ZRANB3: variants seen among roughly 807,000 people sequenced by gnomAD.
ZRANB3 encodes DNA annealing helicase and endonuclease ZRANB3.
In ZRANB3, 125 loss-of-function variants were observed where a neutral mutation model predicts 133.8. The ratio of observed to expected loss-of-function variants is 0.93; its 90% CI spans 0.81 to 1.08. ZRANB3 has a LOEUF of 1.08. Ranked by LOEUF, ZRANB3 falls within the 50% of genes least tolerant of loss-of-function variation. The pLI, the probability that ZRANB3 is intolerant of heterozygous loss-of-function variation, is 0.00. For missense variants in ZRANB3, 1,229 were observed against 1,275.5 expected (o/e 0.96, Z 0.56); for synonymous variants, 387 against 432.7 (o/e 0.89, Z 1.31).
chr2:135,345,555 G>A lies in ZRANB3; in HGVS notation c.672C>T (p.His224=), dbSNP rs1266635034. ...TDYAKRYCNA[H]IRYFGKRPQW... is the part of the protein sequence containing the mutation. Reference sequence around the variant, plus strand: ...CGGAAAATAGTTTAACTTACCTGATGTGTGCATTACAGTATCTTTTTGCAT... The same window carrying A: ...CGGAAAATAGTTTAACTTACCTGATATGTGCATTACAGTATCTTTTTGCAT... Residue 224 remains histidine (H), a synonymous_variant, in exon 6 of 21, where the codon CAC becomes CAT. Transcript: ENST00000264159. The A allele has an allele frequency of 6.8e-6, 11 of 1,607,854 alleles. No individual in the cohort carries two copies. The highest frequency in any genetic ancestry group is 8.5e-6 in the Non-Finnish European group (10 of 1,177,072).
At chr2:135,302,768 C>T (rs1050514721) in intron 8 of ZRANB3, among the ~76,000 whole-genome samples, 1 of 152,162 alleles carries the variant, frequency 6.6e-6, no homozygotes. Flanking sequence ...TCGTGATCTG[C>T]CCACCTTGGC....
intron 12 of ZRANB3, among the ~76,000 whole-genome samples, chr2:135,237,936 TAAAAACAAAAAACA>T (rs936069543): frequency 5.9e-5 from 9 of 152,086 alleles, no homozygotes; most frequent in Admixed American, 5.9e-4. Flanking sequence ...AAAGTATAAC[TAAAAACAAAAAACA>T]AAAAACAAAA....
chr2:135,348,289 GA>G (rs1685040918), intron 5 of ZRANB3, among the ~76,000 whole-genome samples: 1 of 150,098 alleles, frequency 6.7e-6, no homozygotes, highest in Admixed American at 6.6e-5. Flanking sequence ...AAGAAAGAAA[GA>G]AAAAATTAGA....
chr2:135,264,821 A>G (rs1020959486), intron 12 of ZRANB3, among the ~76,000 whole-genome samples: 6 of 150,786 alleles, frequency 4.0e-5, no homozygotes, highest in African/African-American at 1.5e-4. Flanking sequence ...ATCTCAGCTC[A>G]CGGGAACCTC....
chr2:135,390,623 C>T (rs918047673), intron 3 of ZRANB3, among the ~76,000 whole-genome samples, 179 bp downstream of exon 3: 7 of 151,978 alleles, frequency 4.6e-5, no homozygotes, highest in Admixed American at 2.0e-4. Context: ...CACACACACA[C>T]ACATTCATTC....
At chr2:135,413,102 T>C (rs1558982265) in intron 2 of ZRANB3, among the ~76,000 whole-genome samples, 2 of 152,192 alleles carry the variant, frequency 1.3e-5, no homozygotes, top group South Asian at 4.1e-4. Context: ...GTTGCAAATA[T>C]AGGCTGCTTC....
Position 135,199,333 on chromosome 2 carries a change from G to A in ZRANB3, c.*1009C>T, listed in dbSNP as rs1693522957. The A allele has an allele frequency of 6.6e-6, 1 of 151,850 alleles. No homozygotes were observed. The highest frequency in any genetic ancestry group is 2.4e-5 in the African/African-American group (1 of 41,274). The allele number at this position is 151,850 out of a possible 1,614,324, so 9.4% of individuals were successfully genotyped here. ...TTTGTTTGAGACGGAGTCTCGCTCT[G>A]TCGCCCAGGCTGGAGTTCAATGGCG... On this transcript the variant is annotated 3_prime_UTR_variant, in exon 21 of 21. Transcript: ENST00000264159.
chr2:135,286,091 G>C (rs1411468915), intron 8 of ZRANB3, among the ~76,000 whole-genome samples: 3 of 151,764 alleles, frequency 2.0e-5, no homozygotes, highest in Non-Finnish European at 4.4e-5. Flanking sequence ...TATTTTATTA[G>C]GTTTTTGGGG....
intron 12 of ZRANB3, among the ~76,000 whole-genome samples, chr2:135,247,125 C>T (rs757239737): frequency 6.6e-6 from 1 of 152,170 alleles, no homozygotes; most frequent in Admixed American, 6.5e-5. Flanking sequence ...TCATTTGGCT[C>T]CTGTTCCTAA....
At chr2:135,335,968 CAG>C (rs1320812322) in intron 6 of ZRANB3, among the ~76,000 whole-genome samples, 6 of 152,098 alleles carry the variant, frequency 3.9e-5, no homozygotes, top group African/African-American at 1.4e-4. Context: ...TATAAAATGA[CAG>C]AGGGGAACTG....
At chr2:135,459,986 T>C (rs1292123407) in intron 2 of ZRANB3, among the ~76,000 whole-genome samples, 1 of 152,112 alleles carries the variant, frequency 6.6e-6, no homozygotes, top group Non-Finnish European at 1.5e-5. Flanking sequence ...TTCACTATTA[T>C]CAGTAAGATT....
intron 5 of ZRANB3, among the ~76,000 whole-genome samples, chr2:135,347,286 T>C (rs2104868742): frequency 6.9e-6 from 1 of 145,362 alleles, no homozygotes; most frequent in East Asian, 2.1e-4. Context: ...GAATTTGTTT[T>C]CAGTTCTCTT....
chr2:135,461,913 C>G (rs1411695064), intron 2 of ZRANB3, among the ~76,000 whole-genome samples: 1 of 152,056 alleles, frequency 6.6e-6, no homozygotes, highest in African/African-American at 2.4e-5. Context: ...ATTTAGCAGT[C>G]TCTAGGCAAA....
intron 2 of ZRANB3, among the ~76,000 whole-genome samples, chr2:135,457,923 C>T (rs904509114): frequency 6.6e-6 from 1 of 152,002 alleles, no homozygotes; most frequent in Non-Finnish European, 1.5e-5. Context: ...TAATGAAATT[C>T]AGTTTATGTA....
rs762175767 is a variant in ZRANB3, at chr2:135,510,640, CAT to C, written c.-7-6146_-7-6145del. ...GCCTCTCATTCCACCACCCAGCCCACATAGAGGGCCTCCAGGTCCCCTAAGGC... is the reference window on the plus strand; with the variant it reads ...GCCTCTCATTCCACCACCCAGCCCACAGAGGGCCTCCAGGTCCCCTAAGGC... On this transcript the variant is annotated intron_variant, in intron 1 of 20. Coordinates refer to ENST00000264159, the MANE Select transcript of ZRANB3 (RefSeq NM_032143.4). The C allele has an allele frequency of 3.0e-4, 239 of 789,340 alleles. 2 individuals carry two copies. The highest frequency in any genetic ancestry group is 9.3e-4 in the Middle Eastern group (4 of 4,286). 48.9% of individuals were successfully genotyped at this position (789,340 alleles called of 1,614,324 possible). A position where few individuals can be genotyped will look rare whatever the true frequency, so the allele number is the denominator to read the frequency against.
intron 3 of ZRANB3, among the ~76,000 whole-genome samples, chr2:135,370,826 G>C (rs147512617): frequency 6.6e-6 from 1 of 152,146 alleles, no homozygotes; most frequent in African/African-American, 2.4e-5. Context: ...CCAAGGGTGG[G>C]ACCAGGTGGA....
At chr2:135,384,049 C>A (rs1172495070) in intron 3 of ZRANB3, among the ~76,000 whole-genome samples, 1 of 152,070 alleles carries the variant, frequency 6.6e-6, no homozygotes, top group Non-Finnish European at 1.5e-5. Flanking sequence ...ATCAACGAAT[C>A]CAGGAGCTGG....
At chr2:135,386,636 T>C (rs1686986764) in intron 3 of ZRANB3, among the ~76,000 whole-genome samples, 1 of 152,162 alleles carries the variant, frequency 6.6e-6, no homozygotes, top group South Asian at 2.1e-4. Context: ...ATGTGGCACA[T>C]ATACACCATG....
chr2:135,446,100 G>A (rs1376448684), intron 2 of ZRANB3, among the ~76,000 whole-genome samples: 1 of 151,744 alleles, frequency 6.6e-6, no homozygotes, highest in Non-Finnish European at 1.5e-5. Flanking sequence ...CAGCAACTTG[G>A]GAGGCTGAGG....
Sources: gnomAD v4.1 joint callset for allele counts (sites outside exome capture counted in the v4.1 genomes callset) on GRCh38, gnomAD v4.1.1 for gene constraint, MANE v1.5 for transcripts, NCBI Gene and HGNC (gene_info 2026-07-23, HGNC 2026-07-21) for gene names.